KLHL3: variants seen among roughly 807,000 people sequenced by gnomAD.
The protein encoded by KLHL3 is kelch-like protein 3.
KLHL3 carries 19 observed loss-of-function variants against 70.5 expected under a neutral mutation model. That is an observed-to-expected ratio of 0.27 (90% CI 0.19 to 0.40). The LOEUF is 0.40. KLHL3 is among the 10% of genes least tolerant of loss of function. The pLI is 1.00. For synonymous variants in KLHL3, 258 were observed against 290.3 expected, an observed-to-expected ratio of 0.89 and a Z score of 1.13; for missense variants, 512 against 771.1, an observed-to-expected ratio of 0.66 and a Z score of 3.98.
chr5:137,677,739 G>C, intron 5 of KLHL3, 85 bp from the exon 6 acceptor site: 1 of 825,874 alleles, frequency 1.2e-6, no homozygotes, highest in East Asian at 2.7e-5. Context: ...GGGATTCACA[G>C]TAGAGTCCTG....
chr5:137,653,260 T>C (rs112923862), intron 8 of KLHL3, among the ~76,000 whole-genome samples: 1 of 151,210 alleles, frequency 6.6e-6, no homozygotes, highest in South Asian at 2.1e-4. Context: ...AAAAAAAAAA[T>C]AATAATTAAT....
At chr5:137,634,209 C>T in intron 11 of KLHL3, 44 bp from the exon 12 acceptor site, 1 of 1,558,060 alleles carries the variant, frequency 6.4e-7, no homozygotes, top group South Asian at 1.2e-5. Context: ...GGGATACTGG[C>T]ATGAAACCAG....
At position 137,720,449 on chromosome 5, in the gene KLHL3, A is replaced by G. The variant is rs1752976566; in HGVS notation, c.134+16T>C. The stretch of plus-strand genomic sequence containing the variant: ...AAGTTCCTTCTGCAAGGGCACGGAC[A>G]AGATAGAAAAAGTACCTCCGCAGTT... On this transcript the variant is annotated intron_variant, in intron 2 of 14. Transcript: ENST00000309755. 1.9e-6 allele frequency: 3 copies of G among 1,613,984 alleles called. No individual in the cohort carries two copies. The African/African-American group carries it at 4.0e-5, about 22-fold the overall frequency.
At chr5:137,624,782 A>G (rs1378338070) in intron 14 of KLHL3, among the ~76,000 whole-genome samples, 1 of 152,200 alleles carries the variant, frequency 6.6e-6, no homozygotes, top group Non-Finnish European at 1.5e-5. Context: ...AACCAGATAC[A>G]AGGAACTGAA....
chr5:137,704,306 AC>A (rs2149926081), intron 3 of KLHL3, among the ~76,000 whole-genome samples: 1 of 151,636 alleles, frequency 6.6e-6, no homozygotes, highest in Admixed American at 6.6e-5. Flanking sequence ...AATGGTGTGA[AC>A]CCGGGAAGCG....
chr5:137,671,183 C>T (rs77203176), intron 6 of KLHL3, among the ~76,000 whole-genome samples: 5 of 152,220 alleles, frequency 3.3e-5, no homozygotes, highest in Non-Finnish European at 7.4e-5. Flanking sequence ...TACTTTTCTC[C>T]CCAGGTACGA....
intron 5 of KLHL3, among the ~76,000 whole-genome samples, chr5:137,683,771 CTCTCT>C (rs1752092649): frequency 1.5e-5 from 1 of 65,740 alleles, no homozygotes; most frequent in South Asian, 9.7e-4. Flanking sequence ...CTCTTTCTCT[CTCTCT>C]CTCTCTCTCA....
At chr5:137,653,449 T>C (rs962334793) in intron 8 of KLHL3, among the ~76,000 whole-genome samples, 4 of 152,192 alleles carry the variant, frequency 2.6e-5, no homozygotes, top group African/African-American at 9.6e-5. Context: ...CAAAATATTT[T>C]AATAGACACT....
chr5:137,630,559 C>T (rs11949969), intron 12 of KLHL3, among the ~76,000 whole-genome samples: 35 of 152,126 alleles, frequency 2.3e-4, no homozygotes, highest in African/African-American at 6.3e-4. Context: ...CTCACCCTTA[C>T]GTCACAACAG....
At chr5:137,723,303 A>G (rs1477745949) in intron 1 of KLHL3, among the ~76,000 whole-genome samples, 1 of 152,228 alleles carries the variant, frequency 6.6e-6, no homozygotes, top group Non-Finnish European at 1.5e-5. Context: ...TTTGATTAAA[A>G]AACTGCATTG....
intron 3 of KLHL3, among the ~76,000 whole-genome samples, chr5:137,705,719 T>C (rs1256319015): frequency 6.6e-6 from 1 of 152,128 alleles, no homozygotes; most frequent in Admixed American, 6.6e-5. Context: ...ATAGGGGCTG[T>C]ATCTGGATGA....
intron 8 of KLHL3, among the ~76,000 whole-genome samples, chr5:137,652,869 A>C (rs187570454): frequency 2.6e-5 from 4 of 152,354 alleles, no homozygotes; most frequent in Admixed American, 2.0e-4. Context: ...AATTAGCTAA[A>C]TTTAGCCATT....
chr5:137,691,991 G>A (rs72800084), intron 5 of KLHL3, among the ~76,000 whole-genome samples: 2,151 of 152,214 alleles, frequency 0.014, 27 homozygotes, highest in Middle Eastern at 0.037. Context: ...ATAACAAGAC[G>A]TAGCTCAAGA....
chr5:137,693,429 C>A (rs1035096104), intron 4 of KLHL3, among the ~76,000 whole-genome samples: 2 of 152,116 alleles, frequency 1.3e-5, no homozygotes, highest in South Asian at 4.2e-4. Flanking sequence ...CTTGAGCAGG[C>A]CCGCTGGGTG....
At chr5:137,670,072 C>T (rs924026397) in intron 6 of KLHL3, among the ~76,000 whole-genome samples, 6 of 152,132 alleles carry the variant, frequency 3.9e-5, no homozygotes, top group Non-Finnish European at 5.9e-5. Flanking sequence ...GGCTGAGGAA[C>T]GCAGTGGCGT....
intron 5 of KLHL3, among the ~76,000 whole-genome samples, chr5:137,681,237 A>G (rs1242200828): frequency 6.6e-6 from 1 of 152,206 alleles, no homozygotes; most frequent in African/African-American, 2.4e-5. Context: ...TGTGACTCAC[A>G]TTTACTGAGT....
intron 8 of KLHL3, among the ~76,000 whole-genome samples, chr5:137,641,863 A>G (rs138982801): frequency 1.9e-3 from 296 of 152,198 alleles, no homozygotes; most frequent in Non-Finnish European, 3.2e-3. Context: ...CCCAGCCTCG[A>G]GCTGCTGCTG....
chr5:137,663,411 G>A (rs1006473586), intron 6 of KLHL3, among the ~76,000 whole-genome samples: 3 of 151,758 alleles, frequency 2.0e-5, no homozygotes, highest in Non-Finnish European at 4.4e-5. Flanking sequence ...CAATGCTCAA[G>A]TCCCTTATAT....
At chr5:137,700,258 T>C (rs974803749) in intron 3 of KLHL3, among the ~76,000 whole-genome samples, 1 of 152,232 alleles carries the variant, frequency 6.6e-6, no homozygotes, top group Non-Finnish European at 1.5e-5. Flanking sequence ...AGTTAAGCTA[T>C]TAAAAAGTTC....
Sources: gnomAD v4.1 joint callset for allele counts (sites outside exome capture counted in the v4.1 genomes callset) on GRCh38, gnomAD v4.1.1 for gene constraint, MANE v1.5 for transcripts, NCBI Gene and HGNC (gene_info 2026-07-23, HGNC 2026-07-21) for gene names.